The following GPC5 variants were observed in gnomAD, a reference collection of about 807,000 sequenced individuals.
GPC5 encodes the protein glypican 5, also known as glypican-5.
GPC5 carries 47 observed loss-of-function variants against 53.9 expected under a neutral mutation model. That is an observed-to-expected ratio of 0.87 (90% CI 0.69 to 1.11). The LOEUF is 1.11. Among genes scored for constraint, GPC5 ranks in the 50% most tolerant of loss-of-function variants. GPC5 has a pLI of 0.00. For missense variants in GPC5, 748 were observed against 713.1 expected, an observed-to-expected ratio of 1.05 and a Z score of -0.56; for synonymous variants, 286 against 263.3, an observed-to-expected ratio of 1.09 and a Z score of -0.84.
At chr13:91,774,750 C>A (rs1483200183) in intron 5 of GPC5, among the ~76,000 whole-genome samples, 1 of 152,198 alleles carries the variant, frequency 6.6e-6, no homozygotes, top group African/African-American at 2.4e-5. Flanking sequence ...GATGGGCCTA[C>A]TAGCCTGAAG....
At chr13:92,081,604 C>T (rs906618108) in intron 6 of GPC5, among the ~76,000 whole-genome samples, 5 of 152,120 alleles carry the variant, frequency 3.3e-5, no homozygotes, top group African/African-American at 9.7e-5. Flanking sequence ...ATTTCTTCTA[C>T]ACTTCCATGC....
chr13:92,489,962 T>A (rs993516524), intron 7 of GPC5, among the ~76,000 whole-genome samples: 5 of 152,188 alleles, frequency 3.3e-5, no homozygotes, highest in Non-Finnish European at 2.9e-5. Flanking sequence ...AACTTCATTA[T>A]GACATATTTG....
intron 7 of GPC5, among the ~76,000 whole-genome samples, chr13:92,626,749 G>T (rs1885059073): frequency 1.3e-5 from 2 of 152,100 alleles, no homozygotes; most frequent in South Asian, 4.1e-4. Context: ...ATCAGGTATG[G>T]AAAGAAGATA....
intron 2 of GPC5, among the ~76,000 whole-genome samples, chr13:91,523,480 A>T (rs1401349520): frequency 6.6e-6 from 1 of 152,216 alleles, no homozygotes; most frequent in African/African-American, 2.4e-5. Context: ...CCACGGAGAG[A>T]CAAATACTGC....
intron 6 of GPC5, among the ~76,000 whole-genome samples, chr13:92,100,463 C>A (rs1414968728): frequency 6.6e-6 from 1 of 152,156 alleles, no homozygotes; most frequent in Non-Finnish European, 1.5e-5. Flanking sequence ...AAATATTGCA[C>A]TAGGTACTTC....
chr13:91,858,552 T>C (rs912886454), intron 5 of GPC5, among the ~76,000 whole-genome samples: 22 of 152,026 alleles, frequency 1.4e-4, no homozygotes, highest in Admixed American at 1.4e-3. Flanking sequence ...TAATGTGTTG[T>C]TGAATGCAGT....
At chr13:92,587,300 CAT>C (rs1883569438) in intron 7 of GPC5, among the ~76,000 whole-genome samples, 3 of 152,196 alleles carry the variant, frequency 2.0e-5, no homozygotes, top group African/African-American at 4.8e-5. Flanking sequence ...AATGATAACA[CAT>C]ATTATGTTTT....
At chr13:92,258,152 T>C (rs1232601376) in intron 7 of GPC5, among the ~76,000 whole-genome samples, 1 of 152,188 alleles carries the variant, frequency 6.6e-6, no homozygotes, top group Non-Finnish European at 1.5e-5. Context: ...TGCCTAGGCT[T>C]CTTTTTCATA....
chr13:92,407,993 C>A (rs889145365), intron 7 of GPC5, among the ~76,000 whole-genome samples: 13 of 152,280 alleles, frequency 8.5e-5, no homozygotes, highest in African/African-American at 3.1e-4. Flanking sequence ...CAGGGGTCCC[C>A]AAGCCATGGC....
At position 92,851,724 on chromosome 13, in the gene GPC5, G is replaced by GA. The variant is rs535451701; in HGVS notation, c.1562-14543dup. ...GTGAAACTCCATCTCTACTAAAAATGAAAAAAAAAAAAAAATTAGCCAGGC... is the reference window on the plus strand; with the variant it reads ...GTGAAACTCCATCTCTACTAAAAATGAAAAAAAAAAAAAAAATTAGCCAGGC... On this transcript the variant is annotated intron_variant, in intron 7 of 7. Transcript: ENST00000377067. Among the ~76,000 whole-genome samples, 551 of 134,056 alleles carry GA rather than the reference G, an allele frequency of 4.1e-3. 1 individual carries two copies. The highest frequency in any genetic ancestry group is 0.011 in the African/African-American group (392 of 35,968). The allele number at this position is 134,056 out of a possible 152,430, so 87.9% of individuals were successfully genotyped here.
chr13:92,851,738 A>C (rs564394191), intron 7 of GPC5, among the ~76,000 whole-genome samples: 2 of 151,302 alleles, frequency 1.3e-5, no homozygotes, highest in African/African-American at 4.9e-5. Context: ...AAAAAAAAAA[A>C]ATTAGCCAGG....
At chr13:92,746,801 A>G (rs987459798) in intron 7 of GPC5, among the ~76,000 whole-genome samples, 1 of 152,104 alleles carries the variant, frequency 6.6e-6, no homozygotes, top group Admixed American at 6.6e-5. Flanking sequence ...TGGCTCCTTG[A>G]TTCATTAACA....
chr13:92,854,203 G>GAT (rs1878909799), intron 7 of GPC5, among the ~76,000 whole-genome samples: 10 of 147,282 alleles, frequency 6.8e-5, no homozygotes. Context: ...ATGGTATAGA[G>GAT]ATATATATAT....
At chr13:91,987,438 T>C (rs1329722218) in intron 6 of GPC5, among the ~76,000 whole-genome samples, 1 of 152,234 alleles carries the variant, frequency 6.6e-6, no homozygotes, top group Non-Finnish European at 1.5e-5. Flanking sequence ...TCAGGCTGAT[T>C]GGACAACGTT....
intron 7 of GPC5, among the ~76,000 whole-genome samples, chr13:92,234,485 C>G (rs2042555113): frequency 6.6e-6 from 1 of 152,012 alleles, no homozygotes; most frequent in Non-Finnish European, 1.5e-5. Flanking sequence ...AGAGTGAGGA[C>G]TAATGAAATG....
chr13:91,873,096 A>G (rs1311869066), intron 5 of GPC5, among the ~76,000 whole-genome samples: 1 of 152,206 alleles, frequency 6.6e-6, no homozygotes, highest in Non-Finnish European at 1.5e-5. Context: ...ATAGAAAATG[A>G]TATGCAATTG....
intron 7 of GPC5, among the ~76,000 whole-genome samples, chr13:92,182,818 G>A (rs1422453216): frequency 2.6e-5 from 4 of 151,564 alleles, no homozygotes; most frequent in African/African-American, 9.7e-5. Context: ...GCAGTGAGCC[G>A]AGATCGTGCC....
intron 6 of GPC5, among the ~76,000 whole-genome samples, chr13:91,945,135 T>G (rs2039962948): frequency 2.6e-5 from 4 of 152,196 alleles, no homozygotes; most frequent in Non-Finnish European, 5.9e-5. Context: ...AGGCAATAAC[T>G]TTTTCCTAAT....
chr13:92,056,939 A>T (rs2041079353), intron 6 of GPC5, among the ~76,000 whole-genome samples: 1 of 152,222 alleles, frequency 6.6e-6, no homozygotes, highest in Admixed American at 6.5e-5. Flanking sequence ...TAATAGAAAC[A>T]GATGCTTTTG....
Sources: allele counts gnomAD v4.1 joint callset (sites outside exome capture counted in the v4.1 genomes callset), GRCh38; gene constraint gnomAD v4.1.1; transcripts MANE v1.5; gene names NCBI Gene and HGNC (gene_info 2026-07-23, HGNC 2026-07-21).